Variants in CHI3L1 observed in about 807,000 individuals in gnomAD.
The protein encoded by CHI3L1 is chitinase-3-like protein 1.
In CHI3L1, 30 loss-of-function variants were observed where a neutral mutation model predicts 40.7. The observed-to-expected ratio is 0.74, with a 90% CI of 0.55 to 1.00. The LOEUF (loss-of-function observed/expected upper bound fraction) is 1.00. CHI3L1 is among the 50% of genes least tolerant of loss of function. The pLI, the probability that CHI3L1 is intolerant of heterozygous loss-of-function variation, is 0.00. For synonymous variants in CHI3L1, 210 were observed against 192.1 expected, an observed-to-expected ratio of 1.09 and a Z score of -0.77; for missense variants, 493 against 492.2, an observed-to-expected ratio of 1.00 and a Z score of -0.01.
chr1:203,186,249 C>T, intron 2 of CHI3L1, 67 bp downstream of exon 2: 1 of 1,527,330 alleles, frequency 6.5e-7, no homozygotes, highest in Admixed American at 1.9e-5. Flanking sequence ...CTAAGACCTC[C>T]TCCACACCTG....
At position 203,180,618 on chromosome 1, in the gene CHI3L1, G is replaced by T. The variant is rs1284324254; in HGVS notation, c.746C>A (p.Ala249Asp). Residue 249 changes from alanine to aspartate, a missense_variant, in exon 8 of 10, where the codon GCT becomes GAT. By Grantham distance (126) the Ala-to-Asp change is moderately radical. Transcript: ENST00000255409. Reference sequence around the variant, plus strand: ...GCCCATCACCAGCTTACTGGCAGGAGCCCCCAGCCTCAACATGTACCCCAC... The same window carrying T: ...GCCCATCACCAGCTTACTGGCAGGATCCCCCAGCCTCAACATGTACCCCAC... ...YAVGYMLRLGAPASKLVMGIP... is the reference protein window; with the variant it reads ...YAVGYMLRLGDPASKLVMGIP... 1 of 1,455,736 alleles carries T rather than the reference G, an allele frequency of 6.9e-7. No homozygotes were observed. The highest frequency in any genetic ancestry group is 1.8e-5 in the Admixed American group (1 of 54,926). 90.2% of individuals were successfully genotyped at this position (1,455,736 alleles called of 1,614,324 possible).
intron 6 of CHI3L1, among the ~76,000 whole-genome samples, chr1:203,182,301 A>G (rs1655953189): frequency 6.6e-6 from 1 of 151,944 alleles, no homozygotes. Flanking sequence ...GGAAAGGGGG[A>G]GGCCTGTGTG....
chr1:203,180,556 A>G lies in CHI3L1; in HGVS notation c.808T>C (p.Ser270Pro). The change falls in exon 8 of 10, where the codon TCT becomes CCT. Residue 270 changes from serine to proline, a missense_variant. Transcript: ENST00000255409. ...ATTGGGGCTCCAACACCAGTCTCAG[A>G]AGAAGCCAGAGTGAAGCTCCTCCCG... is the stretch of plus-strand genomic sequence containing the variant. ...TFGRSFTLAS[S>P]ETGVGAPISG... 6.2e-7 allele frequency: 1 copy of G among 1,611,422 alleles called. No individual in the cohort carries two copies.
chr1:203,186,326 C>A lies in CHI3L1; in HGVS notation c.45G>T (p.Leu15=). 1.3e-6 allele frequency: 2 copies of A among 1,592,010 alleles called. No individual in the cohort carries two copies. The highest frequency in any genetic ancestry group is 1.7e-6 in the Non-Finnish European group (2 of 1,168,324). ...GGAGGGATTACTCACAGCACTGGAG[C>A]AGCACCAGGACCACAAAGCCTGAAG... ...ASQTGFVVLV[L]LQCCSAYKLV... is the part of the protein sequence containing the mutation. Residue 15 remains leucine (L), a synonymous_variant, in exon 2 of 10, where the codon CTG becomes CTT. Coordinates refer to ENST00000255409, the MANE Select transcript of CHI3L1 (RefSeq NM_001276.4).
In CHI3L1 at chr1:203,185,218, T is replaced by C. The variant is rs2102210571; in HGVS notation, c.223A>G (p.Thr75Ala). The change falls in exon 3 of 10, where the codon ACG becomes GCG. Residue 75 changes from threonine (T) to alanine (A), a missense_variant. Coordinates refer to ENST00000255409, the MANE Select transcript of CHI3L1 (RefSeq NM_001276.4). ...HIDTWEWNDV[T>A]LYGMLNTLKN... ...AGTGTGTTGAGCATGCCGTAGAGCG[T>C]CACATCATTCCACTCCCAGGTGTCG... 6.2e-7 allele frequency: 1 copy of C among 1,614,142 alleles called. No homozygotes were observed. Among genetic ancestry groups the C allele is most frequent in the East Asian group, 2.2e-5 (1 of 44,874 alleles).
intron 9 of CHI3L1, 43 bp downstream of exon 9, chr1:203,179,718 C>T: frequency 6.2e-7 from 1 of 1,614,144 alleles, no homozygotes; most frequent in Non-Finnish European, 8.5e-7. Flanking sequence ...GCGGGGCCTC[C>T]TTCTTTCTCT....
intron 4 of CHI3L1, 67 bp from the exon 5 acceptor site, chr1:203,183,858 G>A (rs1171570689): frequency 1.3e-6 from 2 of 1,572,022 alleles, no homozygotes; most frequent in African/African-American, 2.7e-5. Context: ...GCCTCTGGTG[G>A]GGTTTCCAGG....
Position 203,183,724 on chromosome 1 carries a change from G to T in CHI3L1, c.382C>A (p.Arg128Ser), listed in dbSNP as rs367636349. The change falls in exon 5 of 10, where the codon CGC becomes AGC. Residue 128 changes from arginine to serine, a missense_variant. Arg to Ser is a moderately radical substitution (Grantham distance 110). Coordinates refer to ENST00000255409, the MANE Select transcript of CHI3L1 (RefSeq NM_001276.4). Reference protein sequence around the residue: ...TFIKSVPPFLRTHGFDGLDLA... With the variant: ...TFIKSVPPFLSTHGFDGLDLA... ...TCCAGCCCATCAAAGCCATGGGTGC[G>T]CAGAAATGGCGGTACTGACTTGATG... 3.1e-6 allele frequency: 5 copies of T among 1,614,066 alleles called. No homozygotes were observed. The highest frequency in any genetic ancestry group is 1.3e-5 in the African/African-American group (1 of 74,920).
At position 203,183,780 on chromosome 1, in the gene CHI3L1, A is replaced by C. The variant is rs764607973; in HGVS notation, c.326T>G (p.Ile109Arg). The C allele has an allele frequency of 1.2e-6, 2 of 1,614,190 alleles. No individual in the cohort carries two copies. Among genetic ancestry groups the C allele is most frequent in the Non-Finnish European group, 1.7e-6 (2 of 1,180,018 alleles). Residue 109 changes from isoleucine to arginine, a missense_variant, in exon 5 of 10, where the codon ATA (isoleucine) becomes AGA (arginine). By Grantham distance (97) the Ile-to-Arg change is moderately conservative. Transcript: ENST00000255409. ...CCGGCGACTCTGGGTGTTGGAGGCT[A>C]TCTTGGAAAATCTAGGACCAAAATC... is the stretch of plus-strand genomic sequence containing the variant. ...WNFGSQRFSK[I>R]ASNTQSRRTF...
At chr1:203,180,792 G>T in intron 7 of CHI3L1, 140 bp from the exon 8 acceptor site, 1 of 653,358 alleles carries the variant, frequency 1.5e-6, no homozygotes, top group Non-Finnish European at 2.5e-6. Flanking sequence ...AACGGATCAT[G>T]TCACTTTAAA....
rs576714898 is a variant in CHI3L1 at position 203,183,960 on chromosome 1, A to G, written c.315-169T>C. 2.0e-5 allele frequency among the ~76,000 whole-genome samples: 3 copies of G among 152,318 alleles called. No individual in the cohort carries two copies. The South Asian group carries it at 6.2e-4, about 32-fold the overall frequency. On this transcript the variant is annotated intron_variant, in intron 4 of 9. Transcript: ENST00000255409. ...CCAGGCATGCATGTGCCTTAGAGCC[A>G]GGCATTCCAGGTTTCCAAGTCTGGC...
intron 5 of CHI3L1, among the ~76,000 whole-genome samples, 194 bp downstream of exon 5, chr1:203,183,447 C>T (rs1159814343): frequency 2.6e-5 from 4 of 152,260 alleles, no homozygotes; most frequent in Admixed American, 2.6e-4. Flanking sequence ...ACCCCATTCC[C>T]ACCTCCCACC....
Position 203,179,819 on chromosome 1 carries a change from T to C in CHI3L1, c.953A>G (p.Tyr318Cys). ...VHRILGQQVP[Y>C]ATKGNQWVGY... Reference sequence around the variant, plus strand: ...TACCCACTGGTTGCCCTTGGTGGCATAGGGGACCTGCTGGCCGAGGATTCT... The same window carrying C: ...TACCCACTGGTTGCCCTTGGTGGCACAGGGGACCTGCTGGCCGAGGATTCT... The change falls in exon 9 of 10, where the codon TAT becomes TGT. Residue 318 changes from tyrosine (Y) to cysteine (C), a missense_variant. Transcript: ENST00000255409. The C allele has an allele frequency of 1.2e-6, 2 of 1,614,174 alleles. No individual in the cohort carries two copies. The highest frequency in any genetic ancestry group is 2.2e-5 in the South Asian group (2 of 91,084).
intron 3 of CHI3L1, 152 bp from the exon 4 acceptor site, chr1:203,184,784 A>G (rs1656020945): frequency 4.6e-6 from 3 of 656,458 alleles, no homozygotes; most frequent in Non-Finnish European, 5.5e-6. Flanking sequence ...CATCATGGGA[A>G]TCCCATAGAG....
rs114984905 is a variant in CHI3L1 at position 203,179,570 on chromosome 1, C to T, written c.1027G>A (p.Asp343Asn). Residue 343 changes from aspartate (D) to asparagine (N), a missense_variant, in exon 10 of 10, where the codon GAC becomes AAC. Coordinates refer to ENST00000255409, the MANE Select transcript of CHI3L1 (RefSeq NM_001276.4). ...SVKSKVQYLKDRQLAGAMVWA... is the reference protein window; with the variant it reads ...SVKSKVQYLKNRQLAGAMVWA... ...ACCATGGCGCCCGCCAGCTGCCTGT[C>T]CTTCAGGTACTGCACCTGGCAGGGG... 1,532 of 1,610,026 alleles carry T rather than the reference C, an allele frequency of 9.5e-4. 4 individuals are homozygous for T. The highest frequency in any genetic ancestry group is 9.4e-4 in the Non-Finnish European group (1,106 of 1,176,654).
chr1:203,186,450 G>T, intron 1 of CHI3L1, 105 bp from the exon 2 acceptor site: 3 of 1,392,632 alleles, frequency 2.2e-6, no homozygotes, highest in African/African-American at 1.6e-5. Flanking sequence ...CCACCTCCTG[G>T]TTGCAGCCTC....
intron 8 of CHI3L1, chr1:203,180,083 T>G (rs12410262): frequency 0.019 from 11,079 of 598,304 alleles, 172 homozygotes; most frequent in South Asian, 0.04. Context: ...TTGGCCCTGC[T>G]TAGCTTCTTC....
chr1:203,186,250 T>G, intron 2 of CHI3L1, 66 bp downstream of exon 2: 1 of 1,530,588 alleles, frequency 6.5e-7, no homozygotes, highest in Non-Finnish European at 8.9e-7. Flanking sequence ...TAAGACCTCC[T>G]CCACACCTGC....
chr1:203,179,019 G>C lies in CHI3L1; in HGVS notation c.*426C>G, dbSNP rs1655869173. 6.3e-6 allele frequency: 1 copy of C among 159,140 alleles called. No individual in the cohort carries two copies. 9.9% of individuals were successfully genotyped at this position (159,140 alleles called of 1,614,324 possible). ...GACACGATTACGTTCCTAAGTGAAG[G>C]TTTCAAGCTGGGCTTTGCAGGGGGT... On this transcript the variant is annotated 3_prime_UTR_variant, in exon 10 of 10. Transcript: ENST00000255409.
Sources: allele counts gnomAD v4.1 joint callset (sites outside exome capture counted in the v4.1 genomes callset), GRCh38; gene constraint gnomAD v4.1.1; transcripts MANE v1.5; gene names NCBI Gene and HGNC (gene_info 2026-07-23, HGNC 2026-07-21).